PTK2: variants seen among roughly 807,000 people sequenced by gnomAD.
PTK2 encodes the protein protein tyrosine kinase 2.
A neutral mutation model predicts 150.1 loss-of-function variants in PTK2; 45 were observed. That is an observed-to-expected ratio of 0.30 (90% CI 0.24 to 0.38). PTK2 has a LOEUF of 0.38. Among genes scored for constraint, PTK2 ranks in the 10% least tolerant of loss-of-function variants. The pLI is 1.00. For missense variants in PTK2, 919 were observed against 1,307.3 expected (o/e 0.70, Z 4.58); for synonymous variants, 432 against 449.2 (o/e 0.96, Z 0.48).
chr8:140,937,602 C>CA (rs1270409359), intron 1 of PTK2, among the ~76,000 whole-genome samples: 2 of 145,632 alleles, frequency 1.4e-5, no homozygotes, highest in East Asian at 2.0e-4. Flanking sequence ...AAAAAAAACA[C>CA]AAAAAAACAA....
intron 22 of PTK2, among the ~76,000 whole-genome samples, chr8:140,731,072 G>A (rs1307839081): frequency 1.3e-5 from 2 of 148,260 alleles, no homozygotes; most frequent in Non-Finnish European, 3.0e-5. Context: ...CGACTCTCTT[G>A]CCTCAGCCTC....
chr8:140,858,249 C>T lies in PTK2; in HGVS notation c.450+6063G>A, dbSNP rs200713158. Among the ~76,000 whole-genome samples, 3 of 151,982 alleles carry T rather than the reference C, an allele frequency of 2.0e-5. No individual in the cohort carries two copies. In the East Asian group the frequency reaches 5.8e-4, roughly 29 times the overall value. ...TAAAAACATGAAAAACAAGCTAACA[C>T]ATATGGAGAGACTGAGGAGTTCTAA... On this transcript the variant is annotated intron_variant, in intron 5 of 31. Coordinates refer to ENST00000522684, the Ensembl canonical transcript of PTK2.
chr8:140,755,504 A>G (rs1235621801), intron 16 of PTK2, among the ~76,000 whole-genome samples: 3 of 152,162 alleles, frequency 2.0e-5, no homozygotes, highest in African/African-American at 7.2e-5. Flanking sequence ...CCTTCTGCCT[A>G]GAACAGGCTT....
At chr8:140,925,664 C>T (rs1410460837) in exon 2 of PTK2, 9 of 985,280 alleles carry the variant, frequency 9.1e-6, no homozygotes, top group Non-Finnish European at 1.1e-5. Flanking sequence ...ACTATACCTC[C>T]CTTCCGTTAT....
At chr8:140,851,325 AAC>A (rs1226621411) in intron 5 of PTK2, among the ~76,000 whole-genome samples, 2 of 152,262 alleles carry the variant, frequency 1.3e-5, no homozygotes, top group African/African-American at 2.4e-5. Flanking sequence ...CATAGTATTT[AAC>A]AGTTACACAT....
At chr8:140,953,771 T>C (rs2100180291) in intron 1 of PTK2, among the ~76,000 whole-genome samples, 1 of 152,120 alleles carries the variant, frequency 6.6e-6, no homozygotes, top group Non-Finnish European at 1.5e-5. Context: ...GAATCCCAGC[T>C]TTGCCATCTA....
chr8:140,924,529 A>G (rs1473640411), intron 2 of PTK2, among the ~76,000 whole-genome samples: 1 of 152,166 alleles, frequency 6.6e-6, no homozygotes, highest in Non-Finnish European at 1.5e-5. Context: ...TAATGAGAAG[A>G]CGGCAAAGAG....
At chr8:140,766,060 C>A (rs995169503) in intron 14 of PTK2, among the ~76,000 whole-genome samples, 1 of 152,150 alleles carries the variant, frequency 6.6e-6, no homozygotes, top group Non-Finnish European at 1.5e-5. Context: ...CATGAATTGG[C>A]CCTGCTGCAG....
chr8:140,920,735 C>G, intron 2 of PTK2: 1 of 1,242,056 alleles, frequency 8.1e-7, no homozygotes, highest in Non-Finnish European at 1.0e-6. Flanking sequence ...GAAATAAATT[C>G]TGAAAAACAT....
In PTK2 at chr8:140,901,301, C is replaced by T. The variant is rs114903935; in HGVS notation, c.-32-10532G>A. On this transcript the variant is annotated intron_variant, in intron 2 of 31. Coordinates refer to ENST00000522684, the Ensembl canonical transcript of PTK2. ...GGAATTAAAGACTCAACTCTAAGAC[C>T]TGAAACTATGGAATTACTGTAAGAA... Among the ~76,000 whole-genome samples, 525 of 152,160 alleles carry T rather than the reference C, an allele frequency of 3.5e-3. 6 individuals carry two copies. Among genetic ancestry groups the T allele is most frequent in the African/African-American group, 0.012 (507 of 41,500 alleles).
At chr8:140,862,479 C>G (rs190153825) in intron 5 of PTK2, among the ~76,000 whole-genome samples, 118 of 152,240 alleles carry the variant, frequency 7.8e-4, no homozygotes, top group Non-Finnish European at 5.9e-5. Context: ...CCTTCTTAAT[C>G]TTTCCATTTT....
chr8:140,831,174 T>C (rs1367677494), intron 7 of PTK2, among the ~76,000 whole-genome samples: 2 of 152,220 alleles, frequency 1.3e-5, no homozygotes, highest in Admixed American at 6.5e-5. Flanking sequence ...TGATCATTAT[T>C]ATCAAGAACC....
chr8:140,806,179 T>C (rs2100098074), intron 10 of PTK2, among the ~76,000 whole-genome samples: 1 of 152,236 alleles, frequency 6.6e-6, no homozygotes, highest in South Asian at 2.1e-4. Context: ...ACAAAGTCTG[T>C]TTAAAACCAC....
intron 22 of PTK2, among the ~76,000 whole-genome samples, chr8:140,720,708 TA>T (rs1415273804): frequency 6.6e-6 from 1 of 152,162 alleles, no homozygotes; most frequent in Non-Finnish European, 1.5e-5. Flanking sequence ...ATATCCTGTG[TA>T]ACTAATGGCT....
At chr8:140,798,864 G>A (rs187605333) in intron 12 of PTK2, among the ~76,000 whole-genome samples, 5 of 152,046 alleles carry the variant, frequency 3.3e-5, no homozygotes, top group South Asian at 4.2e-4. Flanking sequence ...AGAAGAAAAC[G>A]TCAAAAATAA....
At chr8:140,881,796 T>C (rs61113738) in intron 3 of PTK2, among the ~76,000 whole-genome samples, 5,006 of 152,270 alleles carry the variant, frequency 0.033, 283 homozygotes, top group African/African-American at 0.11. Flanking sequence ...ATAGGAGACC[T>C]GCAGCAAACC....
chr8:140,950,344 C>A (rs1284294700), intron 1 of PTK2, among the ~76,000 whole-genome samples: 20 of 152,220 alleles, frequency 1.3e-4, no homozygotes, highest in Non-Finnish European at 2.9e-5. Flanking sequence ...CTCTTCTGGG[C>A]GCCACCTCGT....
chr8:141,000,905 A>G (rs1470776692), intron 1 of PTK2: 2 of 149,266 alleles, frequency 1.3e-5, no homozygotes, highest in Non-Finnish European at 3.0e-5. Context: ...GGCCTCCGCG[A>G]GGGCCCCCAA....
intron 26 of PTK2, among the ~76,000 whole-genome samples, chr8:140,699,909 G>C (rs2100029226): frequency 6.6e-6 from 1 of 151,758 alleles, no homozygotes; most frequent in Non-Finnish European, 1.5e-5. Flanking sequence ...TAAATGGACA[G>C]GTCCACATTC....
Sources: gnomAD v4.1 joint callset for allele counts (sites outside exome capture counted in the v4.1 genomes callset) on GRCh38, gnomAD v4.1.1 for gene constraint, MANE v1.5 for transcripts, NCBI Gene and HGNC (gene_info 2026-07-23, HGNC 2026-07-21) for gene names.